The following GATB variants were observed in gnomAD, a reference collection of about 807,000 sequenced individuals.
GATB encodes glutamyl-tRNA(Gln) amidotransferase subunit B, mitochondrial.
Under a neutral mutation model 62.3 loss-of-function variants are expected in GATB, and 39 were observed. The observed-to-expected ratio is 0.63, with a 90% confidence interval of 0.48 to 0.82. The LOEUF is 0.82. Among genes scored for constraint, GATB ranks in the 40% least tolerant of loss-of-function variants. The pLI, the probability that GATB is intolerant of heterozygous loss-of-function variation, is 0.00. For missense variants in GATB, 670 were observed against 684.0 expected, an observed-to-expected ratio of 0.98 and a Z score of 0.23; for synonymous variants, 276 against 258.9, an observed-to-expected ratio of 1.07 and a Z score of -0.63.
rs138666687 is a variant in GATB, at chr4:151,671,244, C to T, written c.1604G>A (p.Arg535Gln). The change falls in exon 13 of 13, where the codon CGG (arginine) becomes CAG (glutamine). Residue 535 changes from arginine to glutamine, a missense_variant. Physicochemically the swap from Arg to Gln is conservative, Grantham distance 43 (BLOSUM62 1). Transcript: ENST00000263985. ...RAINKLIGLV[R>Q]KATQSRADPV... is the part of the protein sequence containing the mutation. ...ATCTGCTCGGCTTTGAGTCGCTTTC[C>T]GGACCAACCCAATCAGTTTATTTAT... is the stretch of plus-strand genomic sequence containing the variant. 2.4e-5 allele frequency: 39 copies of T among 1,613,838 alleles called. No individual in the cohort carries two copies. Among genetic ancestry groups the T allele is most frequent in the Middle Eastern group, 1.6e-4 (1 of 6,084 alleles).
intron 8 of GATB, among the ~76,000 whole-genome samples, chr4:151,701,847 G>A (rs866469629): frequency 6.6e-6 from 1 of 152,166 alleles, no homozygotes. Context: ...GCTTCACAAC[G>A]GCGATATGTT....
intron 2 of GATB, among the ~76,000 whole-genome samples, chr4:151,749,740 G>A (rs776757876): frequency 6.6e-6 from 1 of 152,160 alleles, no homozygotes; most frequent in Non-Finnish European, 1.5e-5. Context: ...CCTGGGAGCA[G>A]AGGGACACAT....
chr4:151,717,265 T>A, intron 3 of GATB, 191 bp from the exon 4 acceptor site: 1 of 590,570 alleles, frequency 1.7e-6, no homozygotes. Context: ...CTTCTGCCCC[T>A]GCCATCACCC....
intron 3 of GATB, 90 bp from the exon 4 acceptor site, chr4:151,717,164 G>T: frequency 1.6e-6 from 2 of 1,238,550 alleles, no homozygotes; most frequent in Non-Finnish European, 2.3e-6. Context: ...GTCACACAAC[G>T]ACAGGCCTAC....
At chr4:151,683,029 C>G (rs1380692913) in intron 10 of GATB, among the ~76,000 whole-genome samples, 1 of 151,980 alleles carries the variant, frequency 6.6e-6, no homozygotes, top group Non-Finnish European at 1.5e-5. Flanking sequence ...AACAACCCCT[C>G]CACCCCTGCT....
chr4:151,754,424 A>C (rs1247414816), intron 2 of GATB, among the ~76,000 whole-genome samples: 1 of 152,158 alleles, frequency 6.6e-6, no homozygotes, highest in Non-Finnish European at 1.5e-5. Flanking sequence ...ATGTTTATTA[A>C]AAGGTAGTGC....
intron 2 of GATB, among the ~76,000 whole-genome samples, chr4:151,729,275 A>G (rs750635292): frequency 2.0e-5 from 3 of 152,134 alleles, no homozygotes; most frequent in Non-Finnish European, 4.4e-5. Flanking sequence ...AAAACTGTCA[A>G]TGTCATGAAG....
intron 2 of GATB, among the ~76,000 whole-genome samples, chr4:151,745,379 AG>A (rs1348415256): frequency 6.6e-6 from 1 of 152,248 alleles, no homozygotes; most frequent in Non-Finnish European, 1.5e-5. Context: ...AGACTAGTCA[AG>A]GGTTTCTAAA....
At chr4:151,749,308 C>T (rs1467098042) in intron 2 of GATB, among the ~76,000 whole-genome samples, 2 of 152,166 alleles carry the variant, frequency 1.3e-5, no homozygotes, top group Non-Finnish European at 2.9e-5. Flanking sequence ...GGCACATATA[C>T]ACCATGGAAT....
intron 9 of GATB, among the ~76,000 whole-genome samples, chr4:151,697,969 A>ATGTGTGTG (rs1391231189): frequency 1.1e-4 from 11 of 102,478 alleles, no homozygotes; most frequent in Non-Finnish European, 1.6e-4. Flanking sequence ...ATATATATAT[A>ATGTGTGTG]TATATATATA....
chr4:151,672,124 T>C (rs1737882601), intron 12 of GATB, among the ~76,000 whole-genome samples: 1 of 152,164 alleles, frequency 6.6e-6, no homozygotes, highest in South Asian at 2.1e-4. Flanking sequence ...CTGAAAAAGA[T>C]GCCGACAATT....
chr4:151,701,648 T>A, intron 8 of GATB, 130 bp from the exon 9 acceptor site: 1 of 649,592 alleles, frequency 1.5e-6, no homozygotes, highest in Non-Finnish European at 2.3e-6. Flanking sequence ...TCAAATGTCC[T>A]ATTACGTCAA....
At chr4:151,708,163 G>C in intron 5 of GATB, 62 bp from the exon 6 acceptor site, 5 of 1,114,992 alleles carry the variant, frequency 4.5e-6, no homozygotes, top group Non-Finnish European at 6.8e-6. Flanking sequence ...TCTTTTAAAG[G>C]CAGGGAGTGT....
intron 11 of GATB, chr4:151,673,143 T>G (rs1052748321): frequency 2.3e-6 from 1 of 434,920 alleles, no homozygotes; most frequent in African/African-American, 2.0e-5. Context: ...GCACCTGGGG[T>G]CTCCTCCTGA....
rs761201298 is a variant in GATB at position 151,672,739 on chromosome 4, T to G, written c.1545+23A>C. Reference sequence around the variant, plus strand: ...CATGTCCTGGGGCTGGCTCTGGCCCTCTCCCCTGCCCGAGATAGTCACCAC... The same window carrying G: ...CATGTCCTGGGGCTGGCTCTGGCCCGCTCCCCTGCCCGAGATAGTCACCAC... On this transcript the variant is annotated intron_variant, in intron 12 of 12. Transcript: ENST00000263985. 2.5e-6 allele frequency: 4 copies of G among 1,611,594 alleles called. No homozygotes were observed. In the South Asian group the frequency reaches 3.3e-5, roughly 13 times the overall value.
intron 5 of GATB, among the ~76,000 whole-genome samples, chr4:151,709,197 A>C (rs551132515): frequency 6.6e-6 from 1 of 152,314 alleles, no homozygotes; most frequent in East Asian, 1.9e-4. Context: ...CAAGAAAAGG[A>C]GACCCTTGGA....
intron 2 of GATB, among the ~76,000 whole-genome samples, chr4:151,739,796 C>T (rs1739448824): frequency 6.6e-6 from 1 of 152,188 alleles, no homozygotes; most frequent in South Asian, 2.1e-4. Flanking sequence ...TGACAAGTGA[C>T]TTTGGGAAAT....
chr4:151,699,452 A>G (rs77373385), intron 9 of GATB, among the ~76,000 whole-genome samples: 3,883 of 151,944 alleles, frequency 0.026, 141 homozygotes, highest in African/African-American at 0.088. Context: ...ACAGGCCTTT[A>G]AACTATTAAA....
chr4:151,716,336 G>C, intron 4 of GATB: 2 of 527,862 alleles, frequency 3.8e-6, no homozygotes, highest in South Asian at 5.5e-5. Context: ...AGGCTGGAAT[G>C]CAGTGGCATG....
Sources: gnomAD v4.1 joint callset for allele counts (sites outside exome capture counted in the v4.1 genomes callset) on GRCh38, gnomAD v4.1.1 for gene constraint, MANE v1.5 for transcripts, NCBI Gene and HGNC (gene_info 2026-07-23, HGNC 2026-07-21) for gene names.